NKX6-3: variants seen among roughly 807,000 people sequenced by gnomAD.
NKX6-3 encodes the protein homeobox protein Nkx-6.3.
NKX6-3 carries 17 observed loss-of-function variants against 22.0 expected under a neutral mutation model. That is an observed-to-expected ratio of 0.77 (90% CI 0.53 to 1.16). The LOEUF is 1.16. Ranked by LOEUF, NKX6-3 falls within the 50% of genes most tolerant of loss-of-function variation. The pLI, the probability that NKX6-3 is intolerant of heterozygous loss-of-function variation, is 0.00. For missense variants in NKX6-3, 363 were observed against 359.0 expected (o/e 1.01, Z -0.09); for synonymous variants, 177 against 167.2 (o/e 1.06, Z -0.45).
At position 41,646,287 on chromosome 8, in the gene NKX6-3, CTCCT is replaced by C; in HGVS notation, c.*158_*161del. 2 of 956,156 alleles carry C rather than the reference CTCCT, an allele frequency of 2.1e-6. No homozygotes were observed. Among genetic ancestry groups the C allele is most frequent in the Non-Finnish European group, 3.0e-6 (2 of 656,226 alleles). 59.2% of individuals were successfully genotyped at this position (956,156 alleles called of 1,614,324 possible). Reference sequence around the variant, plus strand: ...TTTTCCTCCTCCTCCCCCGCCTCCCCTCCTCCTCCCCTGCACCTGCTGCTCCTCC... The same window carrying C: ...TTTTCCTCCTCCTCCCCCGCCTCCCCCCTCCCCTGCACCTGCTGCTCCTCC... On this transcript the variant is annotated 3_prime_UTR_variant, in exon 3 of 3. Coordinates refer to ENST00000518699, the MANE Select transcript of NKX6-3 (RefSeq NM_001364841.2).
At position 41,650,194 on chromosome 8, in the gene NKX6-3, G is replaced by C. The variant is rs1322282365; in HGVS notation, c.299C>G (p.Ala100Gly). ...YSPQVGNFSK[A>G]GNEYPTRTRN... ...GGTCCGGGTCGGGTACTCGTTCCCA[G>C]CCTTGGAAAAATTCCCTACCTGGGG... The change falls in exon 1 of 3, where the codon GCT becomes GGT. Residue 100 changes from alanine to glycine, a missense_variant. Coordinates refer to ENST00000518699, the MANE Select transcript of NKX6-3 (RefSeq NM_001364841.2). The C allele has an allele frequency of 6.5e-7, 1 of 1,535,144 alleles. No homozygotes were observed. Among genetic ancestry groups the C allele is most frequent in the Admixed American group, 2.0e-5 (1 of 50,882 alleles).
intron 2 of NKX6-3, chr8:41,647,069 A>T: frequency 2.8e-6 from 3 of 1,068,624 alleles, no homozygotes; most frequent in Non-Finnish European, 4.2e-6. Flanking sequence ...GAAGGTGCTT[A>T]TGAGCAGTCC....
At position 41,650,671 on chromosome 8, in the gene NKX6-3, C is replaced by T; in HGVS notation, c.-179G>A. The T allele has an allele frequency of 3.1e-6, 2 of 636,196 alleles. No individual in the cohort carries two copies. Among genetic ancestry groups the T allele is most frequent in the Non-Finnish European group, 5.3e-6 (2 of 377,110 alleles). 39.4% of individuals were successfully genotyped at this position (636,196 alleles called of 1,614,324 possible). On this transcript the variant is annotated 5_prime_UTR_variant, in exon 1 of 3. Transcript: ENST00000518699. ...AGGAACCGGCACCCGATCAGCTGCT[C>T]GGAAGTCAGGTGCTCGGGGCAGGTG...
chr8:41,650,559 C>A lies in NKX6-3; in HGVS notation c.-67G>T. 6.8e-7 allele frequency: 1 copy of A among 1,467,674 alleles called. No individual in the cohort carries two copies. The highest frequency in any genetic ancestry group is 9.1e-7 in the Non-Finnish European group (1 of 1,099,862). The allele number at this position is 1,467,674 out of a possible 1,614,324, so 90.9% of individuals were successfully genotyped here. On this transcript the variant is annotated 5_prime_UTR_variant, in exon 1 of 3. Coordinates refer to ENST00000518699, the MANE Select transcript of NKX6-3 (RefSeq NM_001364841.2). ...AAACCCAAGAGCCCACTCTCTAGCC[C>A]CAAATCTCATGGCAGGCCTGGAGGC...
Position 41,646,233 on chromosome 8 carries a change from T to C in NKX6-3, c.*216A>G. 1.6e-6 allele frequency: 1 copy of C among 641,306 alleles called. No individual in the cohort carries two copies. Among genetic ancestry groups the C allele is most frequent in the Non-Finnish European group, 2.7e-6 (1 of 377,074 alleles). The allele number at this position is 641,306 out of a possible 1,614,324, so 39.7% of individuals were successfully genotyped here. A position where few individuals can be genotyped will look rare whatever the true frequency, so the allele number is the denominator to read the frequency against. On this transcript the variant is annotated 3_prime_UTR_variant, in exon 3 of 3. Transcript: ENST00000518699. Reference sequence around the variant, plus strand: ...CCTCCCTCCTGGCCTCCTCCTCCCTTAGCTAGGATGCCTGTCCCCTTTCCC... The same window carrying C: ...CCTCCCTCCTGGCCTCCTCCTCCCTCAGCTAGGATGCCTGTCCCCTTTCCC...
rs1001373457 is a variant in NKX6-3 at position 41,650,731 on chromosome 8, G to A, written c.-239C>T. On this transcript the variant is annotated 5_prime_UTR_variant, in exon 1 of 3. Coordinates refer to ENST00000518699, the MANE Select transcript of NKX6-3 (RefSeq NM_001364841.2). ...CCCAGGGCTCCTGGCCTCTCTCCTT[G>A]CCCTGGCCGGACAGGGTGGCCCCCT... is the stretch of plus-strand genomic sequence containing the variant. The A allele has an allele frequency of 2.0e-5, 10 of 511,844 alleles. No individual in the cohort carries two copies. The highest frequency in any genetic ancestry group is 1.5e-4 in the Admixed American group (4 of 27,454). 31.7% of individuals were successfully genotyped at this position (511,844 alleles called of 1,614,324 possible). A position where few individuals can be genotyped will look rare whatever the true frequency, so the allele number is the denominator to read the frequency against.
intron 1 of NKX6-3, among the ~76,000 whole-genome samples, chr8:41,649,438 A>G (rs1030667010): frequency 1.3e-5 from 2 of 152,086 alleles, no homozygotes; most frequent in Admixed American, 6.6e-5. Flanking sequence ...AGTAACCCTG[A>G]CTGGCATCAC....
rs537683470 is a variant in NKX6-3, at chr8:41,648,117, G to A, written c.501C>T (p.Pro167=). Residue 167 remains proline (P), a synonymous_variant, in exon 2 of 3, where the codon CCC becomes CCT. Coordinates refer to ENST00000518699, the MANE Select transcript of NKX6-3 (RefSeq NM_001364841.2). ...GTGAGTATGCCAGCCGTGCCCTCTCGGGGCCAGCCAAGTACTTGGTCTGCT... is the reference window on the plus strand; with the variant it reads ...GTGAGTATGCCAGCCGTGCCCTCTCAGGGCCAGCCAAGTACTTGGTCTGCT... ...TFEQTKYLAG[P]ERARLAYSLG... is the part of the protein sequence containing the mutation. 29 of 1,537,070 alleles carry A rather than the reference G, an allele frequency of 1.9e-5. No individual in the cohort carries two copies. The highest frequency in any genetic ancestry group is 2.4e-5 in the East Asian group (1 of 40,920).
chr8:41,646,305 T>A lies in NKX6-3; in HGVS notation c.*144A>T. 9.3e-7 allele frequency: 1 copy of A among 1,079,114 alleles called. No homozygotes were observed. The highest frequency in any genetic ancestry group is 1.5e-5 in the South Asian group (1 of 67,438). 66.8% of individuals were successfully genotyped at this position (1,079,114 alleles called of 1,614,324 possible). On this transcript the variant is annotated 3_prime_UTR_variant, in exon 3 of 3. Transcript: ENST00000518699. ...GCCTCCCCTCCTCCTCCCCTGCACC[T>A]GCTGCTCCTCCTCCACGCGCCCCTC...
chr8:41,647,090 C>G, intron 2 of NKX6-3: 1 of 1,311,822 alleles, frequency 7.6e-7, no homozygotes. Context: ...CTACTCTGGG[C>G]TTCATAGACC....
chr8:41,646,147 T>C lies in NKX6-3; in HGVS notation c.*302A>G. ...CTGTCCACTTGTGAATCTGCAGAAC[T>C]GGCAGGCGAGGCCCGAGGAGGTGCA... On this transcript the variant is annotated 3_prime_UTR_variant, in exon 3 of 3. Transcript: ENST00000518699. The C allele has an allele frequency of 2.0e-6, 1 of 506,676 alleles. No homozygotes were observed. Among genetic ancestry groups the C allele is most frequent in the Non-Finnish European group, 3.5e-6 (1 of 286,976 alleles). The allele number at this position is 506,676 out of a possible 1,614,324, so 31.4% of individuals were successfully genotyped here.
At chr8:41,647,200 A>G (rs772009396) in intron 2 of NKX6-3, 1 of 1,613,026 alleles carries the variant, frequency 6.2e-7, no homozygotes, top group Non-Finnish European at 8.5e-7. Context: ...GCACCCCAGA[A>G]GCAGAAAGAC....
chr8:41,650,535 A>C lies in NKX6-3; in HGVS notation c.-43T>G. On this transcript the variant is annotated 5_prime_UTR_variant, in exon 1 of 3. Transcript: ENST00000518699. ...AGGGAAGGCTTCTCCAGGCCCCTAA[A>C]ACCCAAGAGCCCACTCTCTAGCCCC... 1 of 1,525,264 alleles carries C rather than the reference A, an allele frequency of 6.6e-7. No individual in the cohort carries two copies. The highest frequency in any genetic ancestry group is 8.8e-7 in the Non-Finnish European group (1 of 1,142,088). 94.5% of individuals were successfully genotyped at this position (1,525,264 alleles called of 1,614,324 possible).
intron 2 of NKX6-3, chr8:41,647,448 T>A: frequency 7.8e-7 from 1 of 1,287,114 alleles, no homozygotes; most frequent in Non-Finnish European, 1.1e-6. Flanking sequence ...TCCCCGGGTC[T>A]ATTTAGGGGG....
At position 41,650,267 on chromosome 8, in the gene NKX6-3, GGGGGTAGCCGGAGA is replaced by G; in HGVS notation, c.212_225del (p.Leu71ProfsTer59). ...CTGAGCCCCCCAAAGCCTGCCACGT[GGGGGTAGCCGGAGA>G]GGAGGCTGTTGTTCGGCGCAGCCAC... On this transcript the variant is annotated frameshift_variant, in exon 1 of 3. Transcript: ENST00000518699. LOFTEE classifies it high-confidence loss of function. 1 of 1,533,776 alleles carries G rather than the reference GGGGGTAGCCGGAGA, an allele frequency of 6.5e-7. No homozygotes were observed. The highest frequency in any genetic ancestry group is 8.7e-7 in the Non-Finnish European group (1 of 1,145,654).
At chr8:41,647,753 G>GCCAGCTCTC (rs540382023) in intron 2 of NKX6-3, among the ~76,000 whole-genome samples, 11 of 152,132 alleles carry the variant, frequency 7.2e-5, no homozygotes, top group African/African-American at 2.4e-4. Context: ...CCCCAGCTCT[G>GCCAGCTCTC]CCAGCTCTCC....
chr8:41,650,025 G>C, intron 1 of NKX6-3, 86 bp downstream of exon 1: 1 of 1,393,564 alleles, frequency 7.2e-7, no homozygotes, highest in Non-Finnish European at 9.5e-7. Context: ...GGAGGTGCAG[G>C]GTGCCCGGGA....
Position 41,646,534 on chromosome 8 carries a change from T to A in NKX6-3, c.713A>T (p.Asp238Val). 6.2e-7 allele frequency: 1 copy of A among 1,612,008 alleles called. No individual in the cohort carries two copies. The highest frequency in any genetic ancestry group is 8.5e-7 in the Non-Finnish European group (1 of 1,179,320). ...CAGGCGGATCTTCTCGTCGTCCGAG[T>A]CGGGGTCCAGCGGCTTGTTGTACTC... Reference protein sequence around the residue: ...DDEYNKPLDPDSDDEKIRLLL... With the variant: ...DDEYNKPLDPVSDDEKIRLLL... The change falls in exon 3 of 3, where the codon GAC becomes GTC. Residue 238 changes from aspartate to valine, a missense_variant. Around this residue, in one of 3 missense-constraint regions of NKX6-3, gnomAD observed 169 missense variants for 155.8 expected, o/e 1.08. Transcript: ENST00000518699.
chr8:41,650,398 T>C lies in NKX6-3; in HGVS notation c.95A>G (p.Gln32Arg). 1 of 1,535,748 alleles carries C rather than the reference T, an allele frequency of 6.5e-7. No homozygotes were observed. The change falls in exon 1 of 3, where the codon CAG becomes CGG. Residue 32 changes from glutamine to arginine, a missense_variant. Physicochemically the swap from Gln to Arg is conservative, Grantham distance 43. Around this residue, in one of 3 missense-constraint regions of NKX6-3, gnomAD observed 175 missense variants for 160.9 expected, o/e 1.09. Coordinates refer to ENST00000518699, the MANE Select transcript of NKX6-3 (RefSeq NM_001364841.2). ...MKAPVCQYSV[Q>R]NSFYKLSPPG... is the part of the protein sequence containing the mutation. ...GGGGCTGAGCTTGTAGAAGGAGTTC[T>C]GCACAGAGTACTGGCACACCGGGGC...
Sources: allele counts gnomAD v4.1 joint callset (sites outside exome capture counted in the v4.1 genomes callset), GRCh38; gene constraint gnomAD v4.1.1; regional missense constraint gnomAD v4.1.1; transcripts MANE v1.5; gene names NCBI Gene and HGNC (gene_info 2026-07-23, HGNC 2026-07-21).